VTI1A: variants seen among roughly 807,000 people sequenced by gnomAD.
The protein encoded by VTI1A is vesicle transport through interaction with t-SNAREs 1A, also known as vesicle transport through interaction with t-SNAREs homolog 1A.
In VTI1A, 22 loss-of-function variants were observed where a neutral mutation model predicts 34.9. The observed-to-expected ratio is 0.63, with a 90% confidence interval of 0.45 to 0.90. The LOEUF (loss-of-function observed/expected upper bound fraction) is 0.90. VTI1A is among the 40% of genes least tolerant of loss of function. The probability of loss-of-function intolerance (pLI) is 0.00; values close to 1 mark genes in which losing one functional copy is unlikely to be tolerated. For synonymous variants in VTI1A, 87 were observed against 97.3 expected (o/e 0.89, Z 0.62); for missense variants, 268 against 275.6 (o/e 0.97, Z 0.20).
chr10:112,589,745 G>A (rs150825669), intron 5 of VTI1A, among the ~76,000 whole-genome samples: 42 of 152,246 alleles, frequency 2.8e-4, no homozygotes, highest in African/African-American at 1.0e-3. Flanking sequence ...AGAGAGCTTA[G>A]TTGTTTGCTG....
chr10:112,550,349 G>GT (rs56846103), intron 5 of VTI1A, among the ~76,000 whole-genome samples: 153 of 142,304 alleles, frequency 1.1e-3, no homozygotes, highest in Middle Eastern at 3.6e-3. Context: ...GTGCCAGAAG[G>GT]TTTTTTTTTT....
chr10:112,802,935 G>A (rs1360104866), intron 7 of VTI1A, among the ~76,000 whole-genome samples: 1 of 152,194 alleles, frequency 6.6e-6, no homozygotes, highest in African/African-American at 2.4e-5. Context: ...GAAAAGAGCA[G>A]CCTCGAAATT....
intron 3 of VTI1A, among the ~76,000 whole-genome samples, chr10:112,525,151 G>A (rs914158419): frequency 6.6e-6 from 1 of 152,072 alleles, no homozygotes; most frequent in Non-Finnish European, 1.5e-5. Flanking sequence ...GACTGAGTTG[G>A]GTCACTACTG....
At chr10:112,721,717 C>T (rs141805116) in intron 7 of VTI1A, among the ~76,000 whole-genome samples, 101 of 152,208 alleles carry the variant, frequency 6.6e-4, no homozygotes, top group Admixed American at 2.4e-3. Context: ...GGAGAGGAGA[C>T]TTTATACCAT....
At chr10:112,852,945 A>C in the VTI1A span, among the ~76,000 whole-genome samples, 1 of 151,492 alleles carries the variant, frequency 6.6e-6, no homozygotes, top group African/African-American at 2.4e-5. Flanking sequence ...CACCCAGCTA[A>C]TTTTTTTTTA....
intron 7 of VTI1A, among the ~76,000 whole-genome samples, chr10:112,690,514 C>A (rs1237096394): frequency 1.3e-5 from 2 of 152,166 alleles, no homozygotes; most frequent in African/African-American, 4.8e-5. Context: ...CATTACCCAC[C>A]TGTAACCTGT....
rs930278325 is a variant in VTI1A, at chr10:112,522,852, A to G, written c.265-4235A>G. ...TGGAAAGCATTATAAATCTATTTACAATGTGGCTGGTCTGATGATAACATT... is the reference window on the plus strand; with the variant it reads ...TGGAAAGCATTATAAATCTATTTACGATGTGGCTGGTCTGATGATAACATT... On this transcript the variant is annotated intron_variant, in intron 3 of 7. Coordinates refer to ENST00000393077, the MANE Select transcript of VTI1A (RefSeq NM_145206.4). Among the ~76,000 whole-genome samples, 2 of 152,092 alleles carry G rather than the reference A, an allele frequency of 1.3e-5. 1 individual carries two copies. The highest frequency in any genetic ancestry group is 3.8e-4 in the East Asian group (2 of 5,196).
the VTI1A span, among the ~76,000 whole-genome samples, chr10:112,834,987 T>C: frequency 6.6e-6 from 1 of 152,210 alleles, no homozygotes. Context: ...TTAGCTAGAT[T>C]AGTTCATCCA....
intron 5 of VTI1A, among the ~76,000 whole-genome samples, chr10:112,650,519 T>A (rs954746974): frequency 6.6e-6 from 1 of 152,152 alleles, no homozygotes; most frequent in African/African-American, 2.4e-5. Flanking sequence ...AGCTATAGTA[T>A]AGTAAATTCA....
At chr10:112,517,842 AGTCATG>A (rs1391628091) in intron 3 of VTI1A, among the ~76,000 whole-genome samples, 23 of 152,100 alleles carry the variant, frequency 1.5e-4, no homozygotes, top group African/African-American at 5.6e-4. Context: ...CAGCCTAAGA[AGTCATG>A]ACTACTAAAT....
chr10:112,696,599 A>G (rs1013104723), intron 7 of VTI1A, among the ~76,000 whole-genome samples: 2 of 152,226 alleles, frequency 1.3e-5, no homozygotes, highest in African/African-American at 4.8e-5. Context: ...AAACTATTAA[A>G]CATAAACTAA....
chr10:112,806,908 T>C lies in VTI1A; in HGVS notation c.561-8382T>C, dbSNP rs190837474. Among the ~76,000 whole-genome samples, 643 of 152,306 alleles carry C rather than the reference T, an allele frequency of 4.2e-3. 3 individuals carry two copies. The highest frequency in any genetic ancestry group is 7.0e-3 in the Non-Finnish European group (477 of 68,026). On this transcript the variant is annotated intron_variant, in intron 7 of 7. Transcript: ENST00000393077. ...GGCCTTCTTCCTGTTTTAAATGGCC[T>C]ATTCCAGAGGCAGGAGTTTTGTGAA...
At chr10:112,726,024 AAGACTTCAGTCT>A (rs1850011374) in intron 7 of VTI1A, among the ~76,000 whole-genome samples, 1 of 152,188 alleles carries the variant, frequency 6.6e-6, no homozygotes, top group South Asian at 2.1e-4. Context: ...ATAGTATATA[AAGACTTCAGTCT>A]AGACACCAAG....
the VTI1A span, among the ~76,000 whole-genome samples, chr10:112,844,206 G>A: frequency 6.6e-6 from 1 of 152,152 alleles, no homozygotes; most frequent in Non-Finnish European, 1.5e-5. Context: ...ATTCTCTGGT[G>A]CTGCTTGTTT....
chr10:112,510,653 C>T (rs538843060), intron 3 of VTI1A, among the ~76,000 whole-genome samples: 59 of 152,092 alleles, frequency 3.9e-4, no homozygotes, highest in African/African-American at 1.3e-3. Context: ...ACCACCACCA[C>T]CACCACCACA....
chr10:112,480,063 C>T (rs1056353833), intron 3 of VTI1A, among the ~76,000 whole-genome samples: 1 of 152,056 alleles, frequency 6.6e-6, no homozygotes, highest in African/African-American at 2.4e-5. Flanking sequence ...GAAAATAGCC[C>T]TATAATTTAA....
chr10:112,609,978 A>G (rs1845230628), intron 5 of VTI1A, among the ~76,000 whole-genome samples: 3 of 152,088 alleles, frequency 2.0e-5, no homozygotes, highest in Admixed American at 2.0e-4. Context: ...AGGCATTTTC[A>G]AAGACTGCAC....
chr10:112,770,605 A>G (rs1342116781), intron 7 of VTI1A, among the ~76,000 whole-genome samples: 2 of 149,876 alleles, frequency 1.3e-5, no homozygotes, highest in Admixed American at 6.6e-5. Flanking sequence ...ATAGGGTTTC[A>G]CCGTGTTAGC....
At position 112,637,355 on chromosome 10, in the gene VTI1A, C is replaced by T. The variant is rs76444105; in HGVS notation, c.428-30863C>T. Among the ~76,000 whole-genome samples, 1,014 of 152,144 alleles carry T rather than the reference C, an allele frequency of 6.7e-3. 11 individuals are homozygous for T. The highest frequency in any genetic ancestry group is 0.023 in the African/African-American group (939 of 41,520). ...TTCTAATGTTTCCTTGTTGCATATC[C>T]GCAAAAAATCATGATTAGAACTGCT... On this transcript the variant is annotated intron_variant, in intron 5 of 7. Transcript: ENST00000393077.
Sources: allele counts gnomAD v4.1 joint callset (sites outside exome capture counted in the v4.1 genomes callset), GRCh38; gene constraint gnomAD v4.1.1; transcripts MANE v1.5; gene names NCBI Gene and HGNC (gene_info 2026-07-23, HGNC 2026-07-21).